The following CSRNP3 variants were observed in gnomAD, a reference collection of about 807,000 sequenced individuals.
CSRNP3 encodes the protein cysteine and serine rich nuclear protein 3.
In CSRNP3, 12 loss-of-function variants were observed where a neutral mutation model predicts 48.0. The observed-to-expected ratio is 0.25, with a 90% CI of 0.16 to 0.41. The LOEUF is 0.41. Ranked by LOEUF, CSRNP3 falls within the 10% of genes least tolerant of loss-of-function variation. CSRNP3 has a pLI of 1.00. For missense variants in CSRNP3, 580 were observed against 724.4 expected, an observed-to-expected ratio of 0.80 and a Z score of 2.29; for synonymous variants, 263 against 269.7, an observed-to-expected ratio of 0.98 and a Z score of 0.24.
intron 3 of CSRNP3, among the ~76,000 whole-genome samples, chr2:165,577,503 A>G (rs948273053): frequency 3.3e-5 from 5 of 151,896 alleles, no homozygotes; most frequent in African/African-American, 9.7e-5. Flanking sequence ...AATAGCTGTC[A>G]TGAAACAAAA....
chr2:165,534,917 A>G (rs1256534918), intron 3 of CSRNP3, among the ~76,000 whole-genome samples: 1 of 151,760 alleles, frequency 6.6e-6, no homozygotes, highest in African/African-American at 2.4e-5. Flanking sequence ...AAATTATTAA[A>G]GCAAGTATAT....
At chr2:165,522,298 TCAAACAAACAAA>T (rs141311752) in intron 3 of CSRNP3, among the ~76,000 whole-genome samples, 1 of 151,242 alleles carries the variant, frequency 6.6e-6, no homozygotes, top group Non-Finnish European at 1.5e-5. Context: ...AGGCCTTGTC[TCAAACAAACAAA>T]CAAACAAACA....
At chr2:165,657,089 C>T (rs1038450884) in intron 4 of CSRNP3, among the ~76,000 whole-genome samples, 4 of 152,170 alleles carry the variant, frequency 2.6e-5, no homozygotes, top group Non-Finnish European at 5.9e-5. Flanking sequence ...CTGTCCCATT[C>T]CCATTCCCCA....
At chr2:165,514,459 T>C (rs1684548668) in intron 2 of CSRNP3, among the ~76,000 whole-genome samples, 1 of 152,250 alleles carries the variant, frequency 6.6e-6, no homozygotes, top group Admixed American at 6.5e-5. Flanking sequence ...CTCTACAAAG[T>C]TGCCTCAGGG....
intron 3 of CSRNP3, among the ~76,000 whole-genome samples, chr2:165,563,130 C>T (rs140952063): frequency 4.5e-4 from 69 of 152,270 alleles, no homozygotes; most frequent in African/African-American, 1.6e-3. Flanking sequence ...GCCTGGGAAA[C>T]ACTATGTAAT....
intron 2 of CSRNP3, among the ~76,000 whole-genome samples, chr2:165,513,647 T>A (rs1247025311): frequency 1.3e-5 from 2 of 152,362 alleles, no homozygotes; most frequent in East Asian, 3.9e-4. Context: ...TTCAGTGATC[T>A]CAGTGCTGGC....
At chr2:165,524,242 T>C (rs909815661) in intron 3 of CSRNP3, among the ~76,000 whole-genome samples, 2 of 152,140 alleles carry the variant, frequency 1.3e-5, no homozygotes, top group Non-Finnish European at 2.9e-5. Context: ...GGACGATGGC[T>C]TATTGAGTAG....
At chr2:165,542,589 T>G (rs1684972713) in intron 3 of CSRNP3, among the ~76,000 whole-genome samples, 1 of 152,176 alleles carries the variant, frequency 6.6e-6, no homozygotes, top group Admixed American at 6.6e-5. Context: ...TTATACTGTA[T>G]GGATGTATCA....
chr2:165,533,141 A>G (rs947325285), intron 3 of CSRNP3, among the ~76,000 whole-genome samples: 1 of 152,094 alleles, frequency 6.6e-6, no homozygotes, highest in Non-Finnish European at 1.5e-5. Context: ...ACTTTCTTTT[A>G]CATCCAGTAG....
At chr2:165,593,077 A>G (rs1360681676) in intron 3 of CSRNP3, among the ~76,000 whole-genome samples, 1 of 152,126 alleles carries the variant, frequency 6.6e-6, no homozygotes, top group African/African-American at 2.4e-5. Context: ...CTGGGATTAC[A>G]GGCGTGAGCC....
intron 1 of CSRNP3, 46 bp downstream of exon 1, chr2:165,469,786 T>A (rs951826833): frequency 6.6e-6 from 1 of 152,168 alleles, no homozygotes; most frequent in Non-Finnish European, 1.5e-5. Context: ...TCTTTTTTTC[T>A]TTAAAAGAGA....
chr2:165,532,710 G>A (rs1200350652), intron 3 of CSRNP3, among the ~76,000 whole-genome samples: 5 of 152,040 alleles, frequency 3.3e-5, no homozygotes, highest in African/African-American at 9.7e-5. Context: ...TTCTGGCCAG[G>A]GTGATCAGGC....
At chr2:165,563,878 C>T (rs1685265100) in intron 3 of CSRNP3, among the ~76,000 whole-genome samples, 2 of 152,084 alleles carry the variant, frequency 1.3e-5, no homozygotes, top group Non-Finnish European at 2.9e-5. Flanking sequence ...TAAACAAGTA[C>T]CACATCCCTG....
intron 4 of CSRNP3, among the ~76,000 whole-genome samples, chr2:165,651,298 G>C (rs1686898605): frequency 6.6e-6 from 1 of 152,132 alleles, no homozygotes; most frequent in Non-Finnish European, 1.5e-5. Flanking sequence ...AGATAATCTG[G>C]TAAACTTGAA....
intron 3 of CSRNP3, among the ~76,000 whole-genome samples, chr2:165,532,698 A>C (rs1684830789): frequency 6.6e-6 from 1 of 152,128 alleles, no homozygotes; most frequent in Non-Finnish European, 1.5e-5. Context: ...TAGTGTTGGA[A>C]GTTCTGGCCA....
At chr2:165,606,917 T>A (rs985750946) in intron 4 of CSRNP3, among the ~76,000 whole-genome samples, 3 of 152,098 alleles carry the variant, frequency 2.0e-5, no homozygotes, top group Non-Finnish European at 4.4e-5. Flanking sequence ...CCTCTAGGGA[T>A]GAAGAGTAGA....
In CSRNP3 at chr2:165,628,972, G is replaced by C. The variant is rs574972486; in HGVS notation, c.149-28789G>C. ...CCTAAAAGTCTGTGCTTTTAAACAA[G>C]TCTTTCAGGTGGTAGAATTTTGGAA... On this transcript the variant is annotated intron_variant, in intron 4 of 6. Coordinates refer to ENST00000651982, the MANE Select transcript of CSRNP3 (RefSeq NM_001172173.2). Among the ~76,000 whole-genome samples the C allele has an allele frequency of 3.9e-5, 6 of 152,278 alleles. No individual in the cohort carries two copies. The South Asian group carries it at 1.2e-3, about 32-fold the overall frequency.
In CSRNP3 at chr2:165,580,477, A is replaced by G. The variant is rs114137244; in HGVS notation, c.-23-14566A>G. Among the ~76,000 whole-genome samples, 978 of 152,312 alleles carry G rather than the reference A, an allele frequency of 6.4e-3. 10 individuals carry two copies. Among genetic ancestry groups the G allele is most frequent in the African/African-American group, 0.023 (943 of 41,570 alleles). On this transcript the variant is annotated intron_variant, in intron 3 of 6. Coordinates refer to ENST00000651982, the MANE Select transcript of CSRNP3 (RefSeq NM_001172173.2). ...TGGTGATTTACTTTGAAGAATGTCC[A>G]AAGTATTTTTTTCTACTTGTTGTAA...
intron 4 of CSRNP3, among the ~76,000 whole-genome samples, chr2:165,656,384 G>A (rs541523361): frequency 2.0e-5 from 3 of 152,208 alleles, no homozygotes; most frequent in African/African-American, 4.8e-5. Flanking sequence ...GCATCTTGAT[G>A]TTCCTGTAAC....
Sources: gnomAD v4.1 joint callset for allele counts (sites outside exome capture counted in the v4.1 genomes callset) on GRCh38, gnomAD v4.1.1 for gene constraint, MANE v1.5 for transcripts, NCBI Gene and HGNC (gene_info 2026-07-23, HGNC 2026-07-21) for gene names.